Variants in DNAJB13 observed in about 807,000 individuals in gnomAD.
DNAJB13 encodes the protein DnaJ heat shock protein family (Hsp40) member B13.
DNAJB13 carries 22 observed loss-of-function variants against 35.6 expected under a neutral mutation model. The ratio of observed to expected loss-of-function variants is 0.62; its 90% CI spans 0.44 to 0.88. DNAJB13 has a LOEUF of 0.88. Among genes scored for constraint, DNAJB13 ranks in the 40% least tolerant of loss-of-function variants. DNAJB13 has a pLI of 0.00. For synonymous variants in DNAJB13, 136 were observed against 144.2 expected (o/e 0.94, Z 0.41); for missense variants, 370 against 384.3 (o/e 0.96, Z 0.31).
chr11:73,966,277 G>A, intron 5 of DNAJB13, 26 bp downstream of exon 5: 1 of 1,596,516 alleles, frequency 6.3e-7, no homozygotes, highest in Non-Finnish European at 8.6e-7. Flanking sequence ...GCTGACTCAG[G>A]TCAGTCACTG....
Position 73,951,109 on chromosome 11 carries a change from A to C in DNAJB13, c.40A>C (p.Asn14His). ...DYYSVLGITRNSEDAQIKQAY... is the reference protein window; with the variant it reads ...DYYSVLGITRHSEDAQIKQAY... ...TTACTCTGTGCTCGGGATCACTCGC[A>C]ATTCAGAGGATGCCCAGATCAAGCA... Residue 14 changes from asparagine (N) to histidine (H), a missense_variant, in exon 1 of 8, where the codon AAT becomes CAT. Asn to His is a moderately conservative substitution (Grantham distance 68, BLOSUM62 1). Transcript: ENST00000339764. The C allele has an allele frequency of 6.2e-7, 1 of 1,614,108 alleles. No homozygotes were observed. Among genetic ancestry groups the C allele is most frequent in the Non-Finnish European group, 8.5e-7 (1 of 1,180,004 alleles).
chr11:73,962,446 T>TGGCTGGGTAAAC (rs1950958439), intron 3 of DNAJB13, among the ~76,000 whole-genome samples: 1 of 144,922 alleles, frequency 6.9e-6, no homozygotes, highest in Non-Finnish European at 1.5e-5. Context: ...GCTGGGTAAA[T>TGGCTGGGTAAAC]GAATGGATGG....
Position 73,970,216 on chromosome 11 carries a change from A to G in DNAJB13, c.*102A>G, listed in dbSNP as rs577360881. 195 of 1,428,280 alleles carry G rather than the reference A, an allele frequency of 1.4e-4. No homozygotes were observed. In the South Asian group the frequency reaches 2.5e-3, roughly 18 times the overall value. 88.5% of individuals were successfully genotyped at this position (1,428,280 alleles called of 1,614,324 possible). A position where few individuals can be genotyped will look rare whatever the true frequency, so the allele number is the denominator to read the frequency against. Reference sequence around the variant, plus strand: ...GTGCAGGGGAGCCTGCTGCACAGATATGATACAAGGGTGGGATGGCGCAGG... The same window carrying G: ...GTGCAGGGGAGCCTGCTGCACAGATGTGATACAAGGGTGGGATGGCGCAGG... On this transcript the variant is annotated 3_prime_UTR_variant, in exon 8 of 8. Coordinates refer to ENST00000339764, the MANE Select transcript of DNAJB13 (RefSeq NM_153614.4).
At chr11:73,964,809 G>GCA (rs765164312) in intron 3 of DNAJB13, 69 bp from the exon 4 acceptor site, 2 of 1,305,634 alleles carry the variant, frequency 1.5e-6, no homozygotes, top group African/African-American at 1.9e-5. Context: ...GTGTGTGTGT[G>GCA]TGTGCGCGCG....
At chr11:73,968,154 T>G in intron 5 of DNAJB13, 191 bp from the exon 6 acceptor site, 1 of 605,762 alleles carries the variant, frequency 1.7e-6, no homozygotes, top group Non-Finnish European at 3.0e-6. Flanking sequence ...TCTGGGGGGA[T>G]TCATTTGGGT....
rs1400596567 is a variant in DNAJB13 at position 73,964,773 on chromosome 11, G to C, written c.335-105G>C. On this transcript the variant is annotated intron_variant, in intron 3 of 7. Transcript: ENST00000339764. ...ATATCTGGATAGGGAGGCTGTGTGT[G>C]TGTGTGTGTGTGTGTGTGTGTGTGT... The C allele has an allele frequency of 2.9e-5, 10 of 341,734 alleles. No individual in the cohort carries two copies. In the African/African-American group the frequency reaches 3.4e-4, roughly 12 times the overall value. 21.2% of individuals were successfully genotyped at this position (341,734 alleles called of 1,614,324 possible).
chr11:73,970,018 TAAGA>T lies in DNAJB13; in HGVS notation c.859_862del (p.Lys287GlyfsTer28), dbSNP rs1399236146. 6.2e-7 allele frequency: 1 copy of T among 1,611,812 alleles called. No homozygotes were observed. The stretch of plus-strand genomic sequence containing the variant: ...GGATGCCATTGCCGGAGGACCCCAC[TAAGA>T]AAGGGGATCTCTTCATCTTCTTCGA... On this transcript the variant is annotated frameshift_variant, in exon 8 of 8. Transcript: ENST00000339764. LOFTEE classifies it high-confidence loss of function.
rs1951211670 is a variant in DNAJB13 at position 73,969,207 on chromosome 11, ACCCTCCTCAGCCCCACCTTTGG to A, written c.721-34_721-13del. ...CCTTCTAAATAGGAGAGCCATGGTG[ACCCTCCTCAGCCCCACCTTTGG>A]CCCTGACCCTCCCTAGGCTCTCACC... On this transcript the variant is annotated splice_polypyrimidine_tract_variant and intron_variant, in intron 6 of 7. Coordinates refer to ENST00000339764, the MANE Select transcript of DNAJB13 (RefSeq NM_153614.4). 1 of 781,900 alleles carries A rather than the reference ACCCTCCTCAGCCCCACCTTTGG, an allele frequency of 1.3e-6. No individual in the cohort carries two copies. The allele number at this position is 781,900 out of a possible 1,614,324, so 48.4% of individuals were successfully genotyped here.
chr11:73,966,018 C>T, intron 4 of DNAJB13, 120 bp from the exon 5 acceptor site: 1 of 917,450 alleles, frequency 1.1e-6, no homozygotes, highest in South Asian at 1.5e-5. Context: ...AGTACAAATC[C>T]CATAGAGCAT....
At chr11:73,953,762 AT>A (rs1950645945) in intron 1 of DNAJB13, among the ~76,000 whole-genome samples, 1 of 151,878 alleles carries the variant, frequency 6.6e-6, no homozygotes, top group African/African-American at 2.4e-5. Context: ...GGTACTGAGT[AT>A]AAAACAATAT....
chr11:73,955,757 C>T (rs889465015), intron 1 of DNAJB13, among the ~76,000 whole-genome samples: 2 of 152,090 alleles, frequency 1.3e-5, no homozygotes, highest in South Asian at 2.1e-4. Flanking sequence ...GCCCAGATCG[C>T]GCCACTGCAC....
At chr11:73,959,367 C>CA (rs1410694150) in intron 2 of DNAJB13, 127 bp from the exon 3 acceptor site, 1 of 1,049,874 alleles carries the variant, frequency 9.5e-7, no homozygotes, top group Non-Finnish European at 1.3e-6. Flanking sequence ...GACTGCCAGA[C>CA]AGCAGGCACT....
At chr11:73,959,811 G>A (rs1227311716) in intron 3 of DNAJB13, 156 bp downstream of exon 3, 2 of 733,250 alleles carry the variant, frequency 2.7e-6, no homozygotes, top group African/African-American at 1.8e-5. Context: ...TTCCCAGGCT[G>A]GAGTGCAGTA....
intron 1 of DNAJB13, among the ~76,000 whole-genome samples, chr11:73,956,250 A>G (rs1950738207): frequency 6.6e-6 from 1 of 152,180 alleles, no homozygotes; most frequent in African/African-American, 2.4e-5. Context: ...GGAGGCTAAC[A>G]ATCAGGGAAG....
chr11:73,965,919 GTC>G, intron 4 of DNAJB13: 1 of 539,594 alleles, frequency 1.9e-6, no homozygotes, highest in Non-Finnish European at 3.3e-6. Flanking sequence ...GTTCTTGGTT[GTC>G]ATGGCAACAG....
Position 73,968,461 on chromosome 11 carries a change from G to C in DNAJB13, c.720+3G>C. On this transcript the variant is annotated splice_donor_region_variant and intron_variant, in intron 6 of 7. Transcript: ENST00000339764. ...TGAACCCCATCCCTCTTGGCAAGGT[G>C]AGTGGGCAAAGTGCAGGAGCAGCGG... 1 of 1,612,798 alleles carries C rather than the reference G, an allele frequency of 6.2e-7. No homozygotes were observed. Among genetic ancestry groups the C allele is most frequent in the Non-Finnish European group, 8.5e-7 (1 of 1,179,012 alleles).
rs201359538 is a variant in DNAJB13 at position 73,970,066 on chromosome 11, C to G, written c.903C>G (p.Arg301=). Residue 301 remains arginine, a synonymous_variant, in exon 8 of 8, where the codon CGC becomes CGG. Coordinates refer to ENST00000339764, the MANE Select transcript of DNAJB13 (RefSeq NM_153614.4). ...TCTTCGACATCCAGTTCCCCACCCG[C>G]CTCACACCCCAGAAGAAGCAGATGC... The part of the protein sequence containing the change: ...FIFFDIQFPT[R]LTPQKKQMLR... 6.2e-7 allele frequency: 1 copy of G among 1,611,126 alleles called. No individual in the cohort carries two copies. Among genetic ancestry groups the G allele is most frequent in the African/African-American group, 1.3e-5 (1 of 75,012 alleles).
In DNAJB13 at chr11:73,958,230, G is replaced by A. The variant is rs145643702; in HGVS notation, c.69-87G>A. The A allele has an allele frequency of 2.8e-3, 3,714 of 1,329,206 alleles. 87 individuals carry two copies. In the African/African-American group the frequency reaches 0.047, roughly 17 times the overall value. 82.3% of individuals were successfully genotyped at this position (1,329,206 alleles called of 1,614,324 possible). ...TCACCCCGGATTTATAGCTAGGCAGGAGTGAACAGAGTGCCGGCTCTGAAC... is the reference window on the plus strand; with the variant it reads ...TCACCCCGGATTTATAGCTAGGCAGAAGTGAACAGAGTGCCGGCTCTGAAC... On this transcript the variant is annotated intron_variant, in intron 1 of 7. Coordinates refer to ENST00000339764, the MANE Select transcript of DNAJB13 (RefSeq NM_153614.4).
intron 3 of DNAJB13, among the ~76,000 whole-genome samples, chr11:73,962,447 G>A (rs1242299336): frequency 2.0e-5 from 3 of 147,616 alleles, no homozygotes; most frequent in African/African-American, 8.0e-5. Context: ...CTGGGTAAAT[G>A]AATGGATGGC....
Sources: allele counts gnomAD v4.1 joint callset (sites outside exome capture counted in the v4.1 genomes callset), GRCh38; gene constraint gnomAD v4.1.1; transcripts MANE v1.5; gene names NCBI Gene and HGNC (gene_info 2026-07-23, HGNC 2026-07-21).